Variants in DHX40 observed in about 807,000 individuals in gnomAD.
The protein encoded by DHX40 is DEAH-box helicase 40.
A neutral mutation model predicts 89.6 loss-of-function variants in DHX40; 28 were observed. The ratio of observed to expected loss-of-function variants is 0.31; its 90% CI spans 0.23 to 0.43. The LOEUF (loss-of-function observed/expected upper bound fraction) is 0.43. Ranked by LOEUF, DHX40 falls within the 20% of genes least tolerant of loss-of-function variation. The probability of loss-of-function intolerance (pLI) is 1.00; values close to 1 mark genes in which losing one functional copy is unlikely to be tolerated. For synonymous variants in DHX40, 226 were observed against 283.6 expected (o/e 0.80, Z 2.04); for missense variants, 457 against 844.0 (o/e 0.54, Z 5.68).
chr17:59,601,284 G>A (rs1462863370), intron 14 of DHX40, among the ~76,000 whole-genome samples: 1 of 152,116 alleles, frequency 6.6e-6, no homozygotes, highest in Non-Finnish European at 1.5e-5. Context: ...ACTGCAGCCT[G>A]GGTGACAGAG....
chr17:59,602,384 G>A (rs1598179162), intron 14 of DHX40, 138 bp from the exon 15 acceptor site: 1 of 661,466 alleles, frequency 1.5e-6, no homozygotes, highest in Non-Finnish European at 2.4e-6. Flanking sequence ...TTTGGTTTCA[G>A]GTGGAAGGGT....
At chr17:59,594,715 T>G (rs879890708) in intron 12 of DHX40, among the ~76,000 whole-genome samples, 8 of 152,128 alleles carry the variant, frequency 5.3e-5, no homozygotes, top group Non-Finnish European at 1.5e-5. Flanking sequence ...AATAGAGGAC[T>G]GCGTAGGCTG....
At chr17:59,570,399 G>A in intron 2 of DHX40, 119 bp from the exon 3 acceptor site, 1 of 911,214 alleles carries the variant, frequency 1.1e-6, no homozygotes, top group South Asian at 2.9e-5. Flanking sequence ...TTTTTAATTT[G>A]CGAGATATTC....
At chr17:59,568,861 G>GAT (rs1567855504) in intron 2 of DHX40, among the ~76,000 whole-genome samples, 8 of 149,434 alleles carry the variant, frequency 5.4e-5, no homozygotes, top group African/African-American at 1.7e-4. Context: ...TATAAATATA[G>GAT]ATATATATAT....
Position 59,607,299 on chromosome 17 carries a change from A to ATT in DHX40, c.*127_*128insTT. 1 of 1,560,300 alleles carries ATT rather than the reference A, an allele frequency of 6.4e-7. No individual in the cohort carries two copies. Among genetic ancestry groups the ATT allele is most frequent in the Non-Finnish European group, 8.7e-7 (1 of 1,143,430 alleles). On this transcript the variant is annotated 3_prime_UTR_variant, in exon 18 of 18. Transcript: ENST00000251241. ...CACTTGTTATTGGCCTATGAACTAA[A>ATT]AGCAAATCAAAGCTCATAAATCAAA...
rs1246553290 is a variant in DHX40, at chr17:59,607,923, C to G, written c.*751C>G. Reference sequence around the variant, plus strand: ...TATATATATATAAGTTCTTTTTTAGCTGTACCTACGTACTTATATCAGCAC... The same window carrying G: ...TATATATATATAAGTTCTTTTTTAGGTGTACCTACGTACTTATATCAGCAC... On this transcript the variant is annotated 3_prime_UTR_variant, in exon 18 of 18. Coordinates refer to ENST00000251241, the MANE Select transcript of DHX40 (RefSeq NM_024612.5). The G allele has an allele frequency of 6.6e-6, 1 of 152,512 alleles. No individual in the cohort carries two copies. The highest frequency in any genetic ancestry group is 1.5e-5 in the Non-Finnish European group (1 of 68,006). The allele number at this position is 152,512 out of a possible 1,614,324, so 9.4% of individuals were successfully genotyped here.
rs754081507 is a variant in DHX40 at position 59,605,515 on chromosome 17, G to A, written c.2041G>A (p.Ala681Thr). The A allele has an allele frequency of 2.5e-6, 4 of 1,614,104 alleles. No individual in the cohort carries two copies. The highest frequency in any genetic ancestry group is 1.1e-5 in the South Asian group (1 of 91,084). ...GGTATTGGTTACCACCAAAGTCTAC[G>A]CAAGAATTGTATGCCCAATCCGTTA... is the stretch of plus-strand genomic sequence containing the variant. ...HEVLVTTKVY[A>T]RIVCPIRYEW... The change falls in exon 17 of 18, where the codon GCA (alanine) becomes ACA (threonine). Residue 681 changes from alanine (A) to threonine (T), a missense_variant. Physicochemically the swap from Ala to Thr is moderately conservative, Grantham distance 58. Transcript: ENST00000251241.
In DHX40 at chr17:59,579,895, GA is replaced by G; in HGVS notation, c.1343+24del. On this transcript the variant is annotated intron_variant, in intron 10 of 17. Coordinates refer to ENST00000251241, the MANE Select transcript of DHX40 (RefSeq NM_024612.5). Reference sequence around the variant, plus strand: ...ATGTCATAAGGTATGTAGACAACTAGAAAAAAAAGGAAAAACTTGTTAGCCT... The same window carrying G: ...ATGTCATAAGGTATGTAGACAACTAGAAAAAAAGGAAAAACTTGTTAGCCT... 1.8e-4 allele frequency: 8 copies of G among 43,746 alleles called. No individual in the cohort carries two copies. Among genetic ancestry groups the G allele is most frequent in the Non-Finnish European group, 2.1e-4 (7 of 32,870 alleles). The allele number at this position is 43,746 out of a possible 1,614,324, so 2.7% of individuals were successfully genotyped here.
intron 7 of DHX40, 54 bp from the exon 8 acceptor site, chr17:59,577,212 G>A (rs757954842): frequency 6.2e-6 from 9 of 1,455,198 alleles, no homozygotes; most frequent in Middle Eastern, 1.7e-4. Context: ...TTCAAAACTC[G>A]AGTTTGACAC....
At chr17:59,588,147 A>G in intron 12 of DHX40, 94 bp downstream of exon 12, 7 of 1,549,834 alleles carry the variant, frequency 4.5e-6, no homozygotes, top group Non-Finnish European at 6.1e-6. Flanking sequence ...TTGGGAGGGC[A>G]AGGCAGGTGG....
At chr17:59,606,334 G>A (rs1459254875) in intron 17 of DHX40, among the ~76,000 whole-genome samples, 1 of 152,172 alleles carries the variant, frequency 6.6e-6, no homozygotes, top group Non-Finnish European at 1.5e-5. Context: ...AAACTTCTTA[G>A]TAAAGCTTTT....
intron 14 of DHX40, among the ~76,000 whole-genome samples, chr17:59,600,063 A>G (rs188903265): frequency 6.6e-6 from 1 of 152,178 alleles, no homozygotes; most frequent in African/African-American, 2.4e-5. Flanking sequence ...ACCTCAAGTG[A>G]TCCACCTGCC....
chr17:59,595,094 T>G (rs2029940637), intron 12 of DHX40, among the ~76,000 whole-genome samples: 1 of 152,016 alleles, frequency 6.6e-6, no homozygotes, highest in Non-Finnish European at 1.5e-5. Context: ...TTTTGTTTTT[T>G]TTTTTTGAGA....
At chr17:59,585,394 C>T (rs1459036568) in intron 10 of DHX40, among the ~76,000 whole-genome samples, 13 of 140,062 alleles carry the variant, frequency 9.3e-5, no homozygotes, top group South Asian at 2.3e-4. Context: ...AGTGAGACTC[C>T]GTCTCAAAAA....
At position 59,607,522 on chromosome 17, in the gene DHX40, A is replaced by C; in HGVS notation, c.*350A>C. ...ATTGAGTTGTATTTAATCAGCGTGTACTCCATTTGCATTGAAGCATTAAAA... is the reference window on the plus strand; with the variant it reads ...ATTGAGTTGTATTTAATCAGCGTGTCCTCCATTTGCATTGAAGCATTAAAA... On this transcript the variant is annotated 3_prime_UTR_variant, in exon 18 of 18. Coordinates refer to ENST00000251241, the MANE Select transcript of DHX40 (RefSeq NM_024612.5). 1.9e-6 allele frequency: 1 copy of C among 531,218 alleles called. No homozygotes were observed. Among genetic ancestry groups the C allele is most frequent in the East Asian group, 2.9e-5 (1 of 34,234 alleles). The allele number at this position is 531,218 out of a possible 1,614,324, so 32.9% of individuals were successfully genotyped here.
intron 2 of DHX40, 65 bp from the exon 3 acceptor site, chr17:59,570,453 A>G (rs2143208024): frequency 1.3e-6 from 2 of 1,484,588 alleles, no homozygotes; most frequent in East Asian, 2.6e-5. Flanking sequence ...GGCCAAAAAC[A>G]ATTTAGCTCT....
At position 59,565,720 on chromosome 17, in the gene DHX40, G is replaced by C. The variant is rs2048694311; in HGVS notation, c.49G>C (p.Glu17Gln). The change falls in exon 1 of 18, where the codon GAG (glutamate) becomes CAG (glutamine). Residue 17 changes from glutamate (E) to glutamine (Q), a missense_variant. By Grantham distance (29) the Glu-to-Gln change is conservative. Transcript: ENST00000251241. ...VAGRAPRRQEEGERSRDLQEE... is the reference protein window; with the variant it reads ...VAGRAPRRQEQGERSRDLQEE... Reference sequence around the variant, plus strand: ...GGGCAGGGCGCCAAGGCGGCAGGAGGAGGGTGAGCGGTCAAGAGACCTCCA... The same window carrying C: ...GGGCAGGGCGCCAAGGCGGCAGGAGCAGGGTGAGCGGTCAAGAGACCTCCA... The C allele has an allele frequency of 6.2e-7, 1 of 1,604,782 alleles. No homozygotes were observed. Among genetic ancestry groups the C allele is most frequent in the South Asian group, 1.1e-5 (1 of 91,070 alleles).
In DHX40 at chr17:59,570,545, T is replaced by C; in HGVS notation, c.308T>C (p.Val103Ala). The C allele has an allele frequency of 6.2e-7, 1 of 1,607,154 alleles. No individual in the cohort carries two copies. The highest frequency in any genetic ancestry group is 8.5e-7 in the Non-Finnish European group (1 of 1,176,866). ...TTTTCACAACATGGTATGATTGGTGTAACTCAACCACGAAAAGTAGCTGCT... is the reference window on the plus strand; with the variant it reads ...TTTTCACAACATGGTATGATTGGTGCAACTCAACCACGAAAAGTAGCTGCT... ...AGFSQHGMIGVTQPRKVAAIS... is the reference protein window; with the variant it reads ...AGFSQHGMIGATQPRKVAAIS... The change falls in exon 3 of 18, where the codon GTA becomes GCA. Residue 103 changes from valine to alanine, a missense_variant. Transcript: ENST00000251241.
chr17:59,565,720 G>A lies in DHX40; in HGVS notation c.49G>A (p.Glu17Lys). Residue 17 changes from glutamate (E) to lysine (K), a missense_variant, in exon 1 of 18, where the codon GAG becomes AAG. By Grantham distance (56) the Glu-to-Lys change is moderately conservative (BLOSUM62 1). Coordinates refer to ENST00000251241, the MANE Select transcript of DHX40 (RefSeq NM_024612.5). ...VAGRAPRRQEEGERSRDLQEE... is the reference protein window; with the variant it reads ...VAGRAPRRQEKGERSRDLQEE... ...GGGCAGGGCGCCAAGGCGGCAGGAG[G>A]AGGGTGAGCGGTCAAGAGACCTCCA... 1 of 1,604,900 alleles carries A rather than the reference G, an allele frequency of 6.2e-7. No homozygotes were observed. The highest frequency in any genetic ancestry group is 1.7e-4 in the Middle Eastern group (1 of 6,060).
Sources: allele counts gnomAD v4.1 joint callset (sites outside exome capture counted in the v4.1 genomes callset), GRCh38; gene constraint gnomAD v4.1.1; transcripts MANE v1.5; gene names NCBI Gene and HGNC (gene_info 2026-07-23, HGNC 2026-07-21).